The following SLC35D4 variants were observed in gnomAD, a reference collection of about 807,000 sequenced individuals.
SLC35D4 encodes solute carrier family 35 member D4.
chr18:23,409,703 G>A, the SLC35D4 span, among the ~76,000 whole-genome samples: 1 of 152,108 alleles, frequency 6.6e-6, no homozygotes, highest in Non-Finnish European at 1.5e-5. Flanking sequence ...AATTAGCTGG[G>A]CATGGTGGCA....
At chr18:23,289,163 A>G in the SLC35D4 span, among the ~76,000 whole-genome samples, 1 of 152,156 alleles carries the variant, frequency 6.6e-6, no homozygotes, top group Non-Finnish European at 1.5e-5. Flanking sequence ...TCTTGTTTAC[A>G]CTGCCAGTTT....
At chr18:23,249,801 T>C in the SLC35D4 span, among the ~76,000 whole-genome samples, 1 of 152,042 alleles carries the variant, frequency 6.6e-6, no homozygotes, top group African/African-American at 2.4e-5. Flanking sequence ...TCGGACATCC[T>C]GGTGAGAGCC....
chr18:23,243,651 T>C, the SLC35D4 span, among the ~76,000 whole-genome samples: 2 of 151,918 alleles, frequency 1.3e-5, no homozygotes, highest in African/African-American at 4.8e-5. Flanking sequence ...GGCGGGTGGA[T>C]CACCTGAGGT....
At chr18:23,411,218 G>A in the SLC35D4 span, among the ~76,000 whole-genome samples, 1 of 145,790 alleles carries the variant, frequency 6.9e-6, no homozygotes, top group African/African-American at 2.6e-5. Flanking sequence ...AAGAAAGAGA[G>A]GGGAGGGGAG....
chr18:23,437,772 C>A, the SLC35D4 span: 1 of 1,609,436 alleles, frequency 6.2e-7, no homozygotes, highest in Non-Finnish European at 8.5e-7. Context: ...CCCGCGCCCG[C>A]CCCCTCACCT....
chr18:23,284,012 C>A, the SLC35D4 span, among the ~76,000 whole-genome samples: 1 of 152,210 alleles, frequency 6.6e-6, no homozygotes, highest in African/African-American at 2.4e-5. Context: ...TATAGGGTAA[C>A]TTCCTGACGT....
chr18:23,425,711 C>T, the SLC35D4 span, among the ~76,000 whole-genome samples: 1 of 152,192 alleles, frequency 6.6e-6, no homozygotes, highest in Admixed American at 6.5e-5. Context: ...ATTGCTTTCA[C>T]ACCATTGTAC....
chr18:23,400,827 C>T, the SLC35D4 span, among the ~76,000 whole-genome samples: 24 of 152,198 alleles, frequency 1.6e-4, no homozygotes, highest in Non-Finnish European at 2.8e-4. Context: ...AGCACTCCAT[C>T]CAAGATCAGG....
At chr18:23,246,922 ACCTCAAGTGATCTGCCTG>A in the SLC35D4 span, among the ~76,000 whole-genome samples, 2 of 152,158 alleles carry the variant, frequency 1.3e-5, no homozygotes, top group African/African-American at 4.8e-5. Flanking sequence ...CGAACTCCTG[ACCTCAAGTGATCTGCCTG>A]CCTCAGCCTC....
the SLC35D4 span, among the ~76,000 whole-genome samples, chr18:23,271,442 G>C: frequency 1.3e-5 from 2 of 152,248 alleles, no homozygotes; most frequent in African/African-American, 2.4e-5. Context: ...TTAGCCCACG[G>C]TGGAAAGCCT....
the SLC35D4 span, among the ~76,000 whole-genome samples, chr18:23,307,053 A>T: frequency 6.6e-6 from 1 of 152,296 alleles, no homozygotes; most frequent in East Asian, 1.9e-4. Flanking sequence ...AGGCCCCCAG[A>T]TCTAACACCT....
chr18:23,279,951 C>T, the SLC35D4 span, among the ~76,000 whole-genome samples: 1 of 152,224 alleles, frequency 6.6e-6, no homozygotes, highest in Non-Finnish European at 1.5e-5. Flanking sequence ...GCGATCCTCC[C>T]ACCTTGGCCT....
chr18:23,428,773 A>G, the SLC35D4 span, among the ~76,000 whole-genome samples: 2 of 151,546 alleles, frequency 1.3e-5, no homozygotes, highest in African/African-American at 4.9e-5. Flanking sequence ...GCCTCTATTG[A>G]TCCTGTCACC....
the SLC35D4 span, among the ~76,000 whole-genome samples, chr18:23,347,757 A>G: frequency 2.6e-5 from 4 of 152,208 alleles, no homozygotes; most frequent in South Asian, 8.3e-4. Flanking sequence ...CAGTCTAGCC[A>G]GAGGTTTGTC....
the SLC35D4 span, among the ~76,000 whole-genome samples, chr18:23,372,697 G>T: frequency 6.6e-6 from 1 of 152,178 alleles, no homozygotes; most frequent in Non-Finnish European, 1.5e-5. Flanking sequence ...CGTCTTCTTA[G>T]GTGCTTCAGA....
the SLC35D4 span, chr18:23,376,730 C>T: frequency 1.8e-5 from 8 of 453,698 alleles, no homozygotes; most frequent in Non-Finnish European, 2.7e-5. Flanking sequence ...TCAGAGATCA[C>T]CCCAAACAGA....
chr18:23,418,642 G>A, the SLC35D4 span, among the ~76,000 whole-genome samples: 1 of 151,388 alleles, frequency 6.6e-6, no homozygotes, highest in African/African-American at 2.4e-5. Context: ...CCCGGTAGAG[G>A]AGCCAAAAGT....
At chr18:23,391,129 T>C in the SLC35D4 span, among the ~76,000 whole-genome samples, 1 of 150,622 alleles carries the variant, frequency 6.6e-6, no homozygotes, top group South Asian at 2.1e-4. Flanking sequence ...AAGAGGCTGA[T>C]GCAGGAGAAC....
chr18:23,321,601 T>A, the SLC35D4 span, among the ~76,000 whole-genome samples: 41 of 152,224 alleles, frequency 2.7e-4, no homozygotes, highest in South Asian at 5.4e-3. Context: ...ACTACAGGCA[T>A]GTGCCACCAC....
Sources: allele counts gnomAD v4.1 joint callset (sites outside exome capture counted in the v4.1 genomes callset), GRCh38; gene constraint gnomAD v4.1.1; transcripts MANE v1.5; gene names NCBI Gene and HGNC (gene_info 2026-07-23, HGNC 2026-07-21).